VTA1: variants seen among roughly 807,000 people sequenced by gnomAD.
The protein encoded by VTA1 is vesicle trafficking 1.
In VTA1, 24 loss-of-function variants were observed where a neutral mutation model predicts 36.9. That is an observed-to-expected ratio of 0.65 (90% CI 0.47 to 0.91). The LOEUF is 0.91. Among genes scored for constraint, VTA1 ranks in the 40% least tolerant of loss-of-function variants. The pLI, the probability that VTA1 is intolerant of heterozygous loss-of-function variation, is 0.00. For synonymous variants in VTA1, 142 were observed against 130.2 expected, an observed-to-expected ratio of 1.09 and a Z score of -0.62; for missense variants, 393 against 377.2, an observed-to-expected ratio of 1.04 and a Z score of -0.35.
chr6:142,201,514 A>G (rs1775684264), intron 6 of VTA1, among the ~76,000 whole-genome samples: 1 of 151,974 alleles, frequency 6.6e-6, no homozygotes, highest in South Asian at 2.1e-4. Context: ...CATGTAGTTG[A>G]TACAGTGTGT....
At chr6:142,160,074 T>C (rs559454445) in intron 1 of VTA1, among the ~76,000 whole-genome samples, 1 of 152,312 alleles carries the variant, frequency 6.6e-6, no homozygotes, top group Non-Finnish European at 1.5e-5. Flanking sequence ...TTTACATTCT[T>C]GAATGTCTGG....
In VTA1 at chr6:142,166,336, T is replaced by TTTTTTTATAAC; in HGVS notation, c.207+14_207+15insTTTTTTATAAC. The TTTTTTTATAAC allele has an allele frequency of 3.3e-6, 5 of 1,529,036 alleles. No homozygotes were observed. The highest frequency in any genetic ancestry group is 4.5e-6 in the Non-Finnish European group (5 of 1,113,136). The allele number at this position is 1,529,036 out of a possible 1,614,324, so 94.7% of individuals were successfully genotyped here. ...CAGTTAGAAGCTGTAAGTTAACCACTGATCATTTATTTTCTGGTTATGGTT... is the reference window on the plus strand; with the variant it reads ...CAGTTAGAAGCTGTAAGTTAACCACTTTTTTTATAACGATCATTTATTTTCTGGTTATGGTT... On this transcript the variant is annotated intron_variant, in intron 2 of 7. Coordinates refer to ENST00000367630, the MANE Select transcript of VTA1 (RefSeq NM_016485.5).
At chr6:142,203,169 C>G (rs1391980338) in intron 6 of VTA1, among the ~76,000 whole-genome samples, 8 of 151,932 alleles carry the variant, frequency 5.3e-5, no homozygotes, top group Non-Finnish European at 1.2e-4. Context: ...TAGAAACTTC[C>G]TATTTATTTT....
At chr6:142,164,062 T>A (rs1034077260) in intron 1 of VTA1, among the ~76,000 whole-genome samples, 20 of 152,216 alleles carry the variant, frequency 1.3e-4, no homozygotes, top group African/African-American at 4.6e-4. Flanking sequence ...TTGGCTCTCT[T>A]AGGGGAATAT....
At position 142,189,419 on chromosome 6, in the gene VTA1, C is replaced by CT; in HGVS notation, c.412-3dup. 1 of 1,609,536 alleles carries CT rather than the reference C, an allele frequency of 6.2e-7. No individual in the cohort carries two copies. Among genetic ancestry groups the CT allele is most frequent in the Non-Finnish European group, 8.5e-7 (1 of 1,176,412 alleles). ...TCCAATGTTGATATAAAAATGCTCTCTTTTAGAATGTGAAACACAGGAAGT... is the reference window on the plus strand; with the variant it reads ...TCCAATGTTGATATAAAAATGCTCTCTTTTTAGAATGTGAAACACAGGAAGT... On this transcript the variant is annotated splice_region_variant and splice_polypyrimidine_tract_variant and intron_variant, in intron 4 of 7. Transcript: ENST00000367630.
chr6:142,218,776 A>T lies in VTA1; in HGVS notation c.*133A>T. On this transcript the variant is annotated 3_prime_UTR_variant, in exon 8 of 8. Coordinates refer to ENST00000367630, the MANE Select transcript of VTA1 (RefSeq NM_016485.5). ...GAATATGACAATGAAATCTGTGTGT[A>T]TCAGATTTTTATTGAAGCATTCATC... The T allele has an allele frequency of 9.3e-7, 1 of 1,074,084 alleles. No homozygotes were observed. Among genetic ancestry groups the T allele is most frequent in the Non-Finnish European group, 1.3e-6 (1 of 788,200 alleles). The allele number at this position is 1,074,084 out of a possible 1,614,324, so 66.5% of individuals were successfully genotyped here.
chr6:142,148,224 A>G (rs1240996980), intron 1 of VTA1, among the ~76,000 whole-genome samples: 1 of 152,196 alleles, frequency 6.6e-6, no homozygotes, highest in Non-Finnish European at 1.5e-5. Context: ...TAATGCGTCC[A>G]TTGTTGTGTA....
chr6:142,152,485 A>G (rs912966751), intron 1 of VTA1, among the ~76,000 whole-genome samples: 2 of 152,154 alleles, frequency 1.3e-5, no homozygotes, highest in African/African-American at 4.8e-5. Context: ...AATTTATAAA[A>G]ATAAAAAATA....
chr6:142,163,102 A>G (rs1157009741), intron 1 of VTA1, among the ~76,000 whole-genome samples: 1 of 152,200 alleles, frequency 6.6e-6, no homozygotes, highest in African/African-American at 2.4e-5. Flanking sequence ...TGGCTAAGTA[A>G]AGTAAGGATT....
At chr6:142,180,798 G>C (rs1270453100) in intron 4 of VTA1, among the ~76,000 whole-genome samples, 1 of 151,892 alleles carries the variant, frequency 6.6e-6, no homozygotes, top group Non-Finnish European at 1.5e-5. Flanking sequence ...GTAATCATGA[G>C]GAGACATCAG....
At chr6:142,180,537 G>A (rs974303633) in intron 4 of VTA1, among the ~76,000 whole-genome samples, 13 of 152,128 alleles carry the variant, frequency 8.5e-5, no homozygotes, top group African/African-American at 2.9e-4. Context: ...TTTAAAAGTA[G>A]TAGGTGGAAA....
chr6:142,194,385 A>G (rs1012438655), intron 5 of VTA1, among the ~76,000 whole-genome samples: 15 of 152,160 alleles, frequency 9.9e-5, no homozygotes, highest in African/African-American at 3.1e-4. Flanking sequence ...CTTTCAGTAC[A>G]TGAACATAAT....
In VTA1 at chr6:142,215,127, C is replaced by T. The variant is rs1775982379; in HGVS notation, c.779-3371C>T. On this transcript the variant is annotated intron_variant, in intron 7 of 7. Transcript: ENST00000367630. Reference sequence around the variant, plus strand: ...CTGAATAGTATTAGAGTGTCAATGACAACTTACCTGATAAAGTTTTTTGAG... The same window carrying T: ...CTGAATAGTATTAGAGTGTCAATGATAACTTACCTGATAAAGTTTTTTGAG... 2.6e-5 allele frequency among the ~76,000 whole-genome samples: 4 copies of T among 152,154 alleles called. No individual in the cohort carries two copies. In the South Asian group the frequency reaches 8.3e-4, roughly 32 times the overall value.
intron 4 of VTA1, among the ~76,000 whole-genome samples, chr6:142,183,403 T>C (rs1775282460): frequency 6.6e-6 from 1 of 152,176 alleles, no homozygotes; most frequent in Non-Finnish European, 1.5e-5. Flanking sequence ...GTCTTACAGG[T>C]CCTAAGTTTG....
chr6:142,162,051 CACAA>C (rs1385829986), intron 1 of VTA1, among the ~76,000 whole-genome samples: 2 of 152,094 alleles, frequency 1.3e-5, no homozygotes, highest in Non-Finnish European at 2.9e-5. Context: ...TACATATGCA[CACAA>C]ACTAAGAAAA....
chr6:142,180,031 G>T (rs532845291), intron 4 of VTA1, among the ~76,000 whole-genome samples: 36 of 152,262 alleles, frequency 2.4e-4, no homozygotes, highest in African/African-American at 8.4e-4. Flanking sequence ...TAGATGAATA[G>T]ATCTATTTAT....
intron 4 of VTA1, among the ~76,000 whole-genome samples, chr6:142,184,790 T>G (rs1775308774): frequency 6.6e-6 from 1 of 152,174 alleles, no homozygotes; most frequent in Non-Finnish European, 1.5e-5. Context: ...TCTTATAATG[T>G]CTCAAAGCCT....
chr6:142,210,649 A>G (rs1775886455), intron 7 of VTA1, among the ~76,000 whole-genome samples: 1 of 152,244 alleles, frequency 6.6e-6, no homozygotes, highest in South Asian at 2.1e-4. Flanking sequence ...AGAAATGCTC[A>G]GCATCACTAA....
intron 5 of VTA1, 30 bp downstream of exon 5, chr6:142,189,564 A>T (rs781372932): frequency 6.4e-7 from 1 of 1,552,290 alleles, no homozygotes; most frequent in East Asian, 2.3e-5. Flanking sequence ...GAGTAAAAGG[A>T]CTTAGTAGAA....
Sources: allele counts gnomAD v4.1 joint callset (sites outside exome capture counted in the v4.1 genomes callset), GRCh38; gene constraint gnomAD v4.1.1; transcripts MANE v1.5; gene names NCBI Gene and HGNC (gene_info 2026-07-23, HGNC 2026-07-21).